SCML2: variants seen among roughly 807,000 people sequenced by gnomAD.
SCML2 encodes the protein sex comb on midleg-like protein 2.
Under a neutral mutation model 48.4 loss-of-function variants are expected in SCML2, and 6 were observed. That is an observed-to-expected ratio of 0.12 (90% CI 0.07 to 0.24). The LOEUF (loss-of-function observed/expected upper bound fraction) is 0.24. SCML2 is among the 10% of genes least tolerant of loss of function. The pLI is 1.00. For missense variants in SCML2, 377 were observed against 528.2 expected (o/e 0.71, Z 2.81); for synonymous variants, 181 against 189.5 (o/e 0.95, Z 0.37).
In SCML2 at chrX:18,334,104, A is replaced by AG; in HGVS notation, c.-24-10dup. On this transcript the variant is annotated splice_polypyrimidine_tract_variant and intron_variant, in intron 1 of 14. Coordinates refer to ENST00000251900, the MANE Select transcript of SCML2 (RefSeq NM_006089.3). The stretch of plus-strand genomic sequence containing the variant: ...CTATTTGGTGTTGTTTCCTACAAGG[A>AG]GAAAAACCAATTAATGCCTCCTTTT... 1.7e-6 allele frequency: 2 copies of AG among 1,144,193 alleles called. No homozygotes were observed. Among genetic ancestry groups the AG allele is most frequent in the Non-Finnish European group, 2.4e-6 (2 of 844,333 alleles). The allele number at this position is 1,144,193 out of a possible 1,213,427, so 94.3% of individuals were successfully genotyped here.
intron 13 of SCML2, among the ~76,000 whole-genome samples, chrX:18,244,348 C>T (rs867642518): frequency 9.0e-6 from 1 of 111,552 alleles, no homozygotes; most frequent in Non-Finnish European, 1.9e-5. Context: ...ATTTAATGTA[C>T]ATTTTTGTGG....
intron 3 of SCML2, among the ~76,000 whole-genome samples, chrX:18,327,136 G>A (rs751839880): frequency 1.5e-4 from 17 of 110,302 alleles, no homozygotes; most frequent in Non-Finnish European, 3.0e-4. Context: ...TTGGGAGGCC[G>A]AGGTGGGCAG....
Position 18,290,990 on chromosome X carries a change from A to G in SCML2, c.730+13982T>C, listed in dbSNP as rs781217942. Among the ~76,000 whole-genome samples the G allele has an allele frequency of 1.3e-4, 14 of 111,888 alleles. No homozygotes were observed. The South Asian group carries it at 4.5e-3, about 36-fold the overall frequency. On this transcript the variant is annotated intron_variant, in intron 7 of 14. Transcript: ENST00000251900. Reference sequence around the variant, plus strand: ...GGGAAAAAACGGTAGCTTACAGGGCATTCCTAAATTTCTATTATTTTTTAG... The same window carrying G: ...GGGAAAAAACGGTAGCTTACAGGGCGTTCCTAAATTTCTATTATTTTTTAG...
rs1473150504 is a variant in SCML2, at chrX:18,240,935, TTAAGTA to T, written c.*310_*315del. ...CAAAGGTTTTTCTCTGTTAACTACA[TTAAGTA>T]TATTTGTAAACTGTACAATGAAAAT... On this transcript the variant is annotated 3_prime_UTR_variant, in exon 15 of 15. Coordinates refer to ENST00000251900, the MANE Select transcript of SCML2 (RefSeq NM_006089.3). The T allele has an allele frequency of 2.6e-5, 3 of 117,051 alleles. No homozygotes were observed. Among genetic ancestry groups the T allele is most frequent in the African/African-American group, 9.6e-5 (3 of 31,189 alleles). The allele number at this position is 117,051 out of a possible 1,213,427, so 9.6% of individuals were successfully genotyped here.
At chrX:18,322,964 T>A (rs1033444776) in intron 5 of SCML2, among the ~76,000 whole-genome samples, 1 of 111,629 alleles carries the variant, frequency 9.0e-6, no homozygotes, top group African/African-American at 3.3e-5. Context: ...AAAGATATAT[T>A]ACTAAAGAGT....
intron 6 of SCML2, among the ~76,000 whole-genome samples, chrX:18,314,272 A>G (rs1244982673): frequency 9.0e-6 from 1 of 111,363 alleles, no homozygotes; most frequent in Non-Finnish European, 1.9e-5. Flanking sequence ...ATTCAATGAC[A>G]CTGGCTTATT....
At chrX:18,247,909 T>C in intron 11 of SCML2, 27 bp from the exon 12 acceptor site, 1 of 1,064,822 alleles carries the variant, frequency 9.4e-7, no homozygotes, top group Non-Finnish European at 1.3e-6. Context: ...AACAGTTGTC[T>C]GTTATAACGA....
At chrX:18,254,883 C>A (rs1743464378) in intron 11 of SCML2, among the ~76,000 whole-genome samples, 1 of 111,418 alleles carries the variant, frequency 9.0e-6, no homozygotes, top group African/African-American at 3.3e-5. Flanking sequence ...GAGATGGTGT[C>A]ACTACACTCC....
intron 3 of SCML2, among the ~76,000 whole-genome samples, chrX:18,327,074 A>T (rs1454606956): frequency 9.0e-6 from 1 of 111,037 alleles, no homozygotes; most frequent in Non-Finnish European, 1.9e-5. Context: ...GAGAGCATTA[A>T]AAAAGAACAA....
chrX:18,262,507 A>C (rs1298601524), intron 8 of SCML2, among the ~76,000 whole-genome samples: 9 of 105,448 alleles, frequency 8.5e-5, no homozygotes, highest in Non-Finnish European at 3.8e-5. Context: ...TGCCTGACTA[A>C]TTTTTGTATT....
In SCML2 at chrX:18,258,246, G is replaced by T. The variant is rs758018927; in HGVS notation, c.1071C>A (p.Val357=). 2 of 1,203,848 alleles carry T rather than the reference G, an allele frequency of 1.7e-6. 1 individual carries two copies. Among genetic ancestry groups the T allele is most frequent in the South Asian group, 3.5e-5 (2 of 56,465 alleles). ...SGPCKIVMST[V]CVYVNKHGNF... is the part of the protein sequence containing the mutation. Reference sequence around the variant, plus strand: ...TTCCATGTTTGTTTACATAGACACAGACTTGAGAAAAAATGCGTATGCATA... The same window carrying T: ...TTCCATGTTTGTTTACATAGACACATACTTGAGAAAAAATGCGTATGCATA... Residue 357 remains valine (V), a splice_region_variant and synonymous_variant, in exon 10 of 15, where the codon GTC becomes GTA. Coordinates refer to ENST00000251900, the MANE Select transcript of SCML2 (RefSeq NM_006089.3).
At chrX:18,273,701 C>CA (rs1927534863) in intron 7 of SCML2, among the ~76,000 whole-genome samples, 1 of 111,576 alleles carries the variant, frequency 9.0e-6, no homozygotes, top group African/African-American at 3.3e-5. Context: ...AGCTTGATAC[C>CA]ATGGCCCAAA....
intron 5 of SCML2, 94 bp from the exon 6 acceptor site, chrX:18,320,514 C>T: frequency 2.0e-6 from 1 of 493,311 alleles, no homozygotes; most frequent in Admixed American, 3.6e-5. Context: ...CACCATTCTT[C>T]TCGAGAGAAT....
intron 11 of SCML2, among the ~76,000 whole-genome samples, chrX:18,255,010 C>G (rs1926790386): frequency 1.8e-5 from 2 of 111,318 alleles, no homozygotes; most frequent in Non-Finnish European, 3.8e-5. Context: ...GAAAACCTAT[C>G]AATACACAGA....
intron 8 of SCML2, among the ~76,000 whole-genome samples, chrX:18,262,183 T>G (rs1253589434): frequency 9.2e-6 from 1 of 108,562 alleles, no homozygotes; most frequent in African/African-American, 3.5e-5. Flanking sequence ...CTGAAAAGAT[T>G]CTATGTCTTT....
chrX:18,256,473 T>C (rs1008015291), intron 11 of SCML2, among the ~76,000 whole-genome samples: 1 of 111,100 alleles, frequency 9.0e-6, no homozygotes, highest in African/African-American at 3.3e-5. Flanking sequence ...AACAAAACCG[T>C]ATCATCATTT....
intron 3 of SCML2, among the ~76,000 whole-genome samples, chrX:18,326,586 A>G (rs1483663064): frequency 9.2e-6 from 1 of 108,969 alleles, no homozygotes; most frequent in Non-Finnish European, 1.9e-5. Flanking sequence ...AGGCTGAGGC[A>G]GCAGAATTGC....
intron 11 of SCML2, among the ~76,000 whole-genome samples, chrX:18,256,272 C>T (rs1360761287): frequency 2.7e-5 from 3 of 110,930 alleles, no homozygotes; most frequent in Non-Finnish European, 3.8e-5. Context: ...GCCAACATGG[C>T]AAAACCCTGT....
At chrX:18,354,534 G>C (rs1245229166) in intron 1 of SCML2, 58 bp downstream of exon 1, 8 of 243,604 alleles carry the variant, frequency 3.3e-5, no homozygotes, top group African/African-American at 2.0e-4. Flanking sequence ...ACAACGGTCG[G>C]GGTCCGGGAC....
Sources: allele counts gnomAD v4.1 joint callset (sites outside exome capture counted in the v4.1 genomes callset), GRCh38; gene constraint gnomAD v4.1.1; transcripts MANE v1.5; gene names NCBI Gene and HGNC (gene_info 2026-07-23, HGNC 2026-07-21).